ACTR3C: variants seen among roughly 807,000 people sequenced by gnomAD.
ACTR3C encodes the protein actin-related protein 3C.
A neutral mutation model predicts 26.3 loss-of-function variants in ACTR3C; 18 were observed. That is an observed-to-expected ratio of 0.68 (90% CI 0.47 to 1.01). ACTR3C has a LOEUF of 1.01. Ranked by LOEUF, ACTR3C falls within the 50% of genes least tolerant of loss-of-function variation. The pLI, the probability that ACTR3C is intolerant of heterozygous loss-of-function variation, is 0.00. For missense variants in ACTR3C, 184 were observed against 250.7 expected (o/e 0.73, Z 1.80); for synonymous variants, 55 against 94.5 (o/e 0.58, Z 2.42).
the ACTR3C span, among the ~76,000 whole-genome samples, chr7:150,168,610 T>C: frequency 6.6e-6 from 1 of 150,882 alleles, no homozygotes; most frequent in Non-Finnish European, 1.5e-5. Context: ...CATACCAGTC[T>C]GGTCCATGGA....
At chr7:150,066,693 T>C in the ACTR3C span, among the ~76,000 whole-genome samples, 1 of 152,204 alleles carries the variant, frequency 6.6e-6, no homozygotes, top group Non-Finnish European at 1.5e-5. Flanking sequence ...CTTCCACCAA[T>C]GTCACCAGGG....
the ACTR3C span, among the ~76,000 whole-genome samples, chr7:150,006,062 G>C: frequency 2.6e-5 from 4 of 152,128 alleles, no homozygotes; most frequent in Admixed American, 6.5e-5. Flanking sequence ...GGAGGTGGAG[G>C]ATTCCTATTT....
At chr7:150,210,218 C>T in the ACTR3C span, among the ~76,000 whole-genome samples, 3 of 150,136 alleles carry the variant, frequency 2.0e-5, no homozygotes, top group East Asian at 1.9e-4. Context: ...GACTGATTAT[C>T]TTGAGTGTGG....
chr7:149,948,653 G>A, the ACTR3C span, among the ~76,000 whole-genome samples: 8 of 151,342 alleles, frequency 5.3e-5, no homozygotes, highest in Non-Finnish European at 1.0e-4. Context: ...GGTGTCAGGT[G>A]TGAGTCAGAC....
the ACTR3C span, among the ~76,000 whole-genome samples, chr7:150,204,588 T>C: frequency 6.6e-6 from 1 of 152,154 alleles, no homozygotes; most frequent in Non-Finnish European, 1.5e-5. Flanking sequence ...CATCACCAGA[T>C]GAGATCCATA....
At chr7:150,147,292 A>T in the ACTR3C span, among the ~76,000 whole-genome samples, 3 of 152,330 alleles carry the variant, frequency 2.0e-5, no homozygotes, top group South Asian at 6.2e-4. Context: ...TAGCTTTAAG[A>T]TTGGATGAAT....
At chr7:149,929,602 G>T in the ACTR3C span, among the ~76,000 whole-genome samples, 1 of 145,968 alleles carries the variant, frequency 6.9e-6, no homozygotes, top group Non-Finnish European at 1.5e-5. Context: ...CCCGATCTCG[G>T]CTCACTGCAA....
chr7:150,068,760 G>C, the ACTR3C span, among the ~76,000 whole-genome samples: 1 of 134,544 alleles, frequency 7.4e-6, no homozygotes, highest in Non-Finnish European at 1.5e-5. Flanking sequence ...TCCAGCCTGG[G>C]TGACAGAGCG....
chr7:150,088,790 T>A, the ACTR3C span, among the ~76,000 whole-genome samples: 1 of 152,202 alleles, frequency 6.6e-6, no homozygotes, highest in South Asian at 2.1e-4. Flanking sequence ...ATAGTAGGAA[T>A]GTTTGCATCT....
chr7:150,322,886 C>G (rs1384879438), intron 1 of ACTR3C: 1 of 152,312 alleles, frequency 6.6e-6, no homozygotes, highest in East Asian at 1.9e-4. Flanking sequence ...GCCTTCCACG[C>G]GGGAGACCTG....
chr7:150,204,111 T>C, the ACTR3C span, among the ~76,000 whole-genome samples: 1 of 149,552 alleles, frequency 6.7e-6, no homozygotes, highest in Non-Finnish European at 1.5e-5. Context: ...AAAGTACAGG[T>C]TTCCTCTCAG....
At chr7:150,186,796 C>T in the ACTR3C span, among the ~76,000 whole-genome samples, 1 of 152,032 alleles carries the variant, frequency 6.6e-6, no homozygotes. Context: ...AAATAAATGC[C>T]AAGTATGTGC....
chr7:149,911,066 AC>A, the ACTR3C span, among the ~76,000 whole-genome samples: 2 of 151,718 alleles, frequency 1.3e-5, no homozygotes, highest in Non-Finnish European at 1.5e-5. Context: ...CCACAACTCC[AC>A]TCCGGGGTTC....
At chr7:150,215,280 CA>C in the ACTR3C span, among the ~76,000 whole-genome samples, 4 of 152,158 alleles carry the variant, frequency 2.6e-5, no homozygotes, top group Admixed American at 2.0e-4. Context: ...AACGCTTCAT[CA>C]GCTTTTTCAC....
the ACTR3C span, among the ~76,000 whole-genome samples, chr7:150,145,072 C>G: frequency 5.9e-5 from 9 of 151,844 alleles, no homozygotes; most frequent in Non-Finnish European, 1.3e-4. Flanking sequence ...AAAAAGATTC[C>G]CCCCCTTTCC....
chr7:150,246,808 T>G (rs956947083), downstream of ACTR3C: 3 of 151,040 alleles, frequency 2.0e-5, no homozygotes, highest in Non-Finnish European at 4.4e-5. Flanking sequence ...TTTGTATTTT[T>G]TGAGACTGAG....
chr7:150,034,568 C>A, the ACTR3C span, among the ~76,000 whole-genome samples: 1 of 151,706 alleles, frequency 6.6e-6, no homozygotes, highest in Non-Finnish European at 1.5e-5. Context: ...AGAATTCTCT[C>A]ACCTGCCTTC....
At chr7:150,220,185 T>C in the ACTR3C span, among the ~76,000 whole-genome samples, 1 of 148,394 alleles carries the variant, frequency 6.7e-6, no homozygotes, top group Non-Finnish European at 1.5e-5. Flanking sequence ...GCCCGCCAAC[T>C]GTAGCCTCCA....
chr7:149,886,880 A>T, the ACTR3C span, among the ~76,000 whole-genome samples: 1 of 151,778 alleles, frequency 6.6e-6, no homozygotes, highest in South Asian at 2.1e-4. Context: ...GAAATACTTG[A>T]GCCCAGGAGG....
Sources: gnomAD v4.1 joint callset for allele counts (sites outside exome capture counted in the v4.1 genomes callset) on GRCh38, gnomAD v4.1.1 for gene constraint, MANE v1.5 for transcripts, NCBI Gene and HGNC (gene_info 2026-07-23, HGNC 2026-07-21) for gene names.